Variants in IGLL5 observed in about 807,000 individuals in gnomAD.
IGLL5 encodes immunoglobulin lambda like polypeptide 5.
IGLL5 carries 30 observed loss-of-function variants against 20.9 expected under a neutral mutation model. The observed-to-expected ratio is 1.44, with a 90% confidence interval of 1.07 to 1.95. The LOEUF (loss-of-function observed/expected upper bound fraction) is 1.95, where lower values mean the gene tolerates loss of function less well. Among genes scored for constraint, IGLL5 ranks in the 30% most tolerant of loss-of-function variants. The pLI, the probability that IGLL5 is intolerant of heterozygous loss-of-function variation, is 0.00. For synonymous variants in IGLL5, 203 were observed against 117.3 expected (o/e 1.73, Z -4.72); for missense variants, 475 against 270.7 (o/e 1.75, Z -5.30).
Position 22,887,835 on chromosome 22 carries a change from T to C in IGLL5, c.-219T>C, listed in dbSNP as rs2067550787. 2 of 603,276 alleles carry C rather than the reference T, an allele frequency of 3.3e-6. No individual in the cohort carries two copies. Among genetic ancestry groups the C allele is most frequent in the Non-Finnish European group, 5.9e-6 (2 of 337,272 alleles). The allele number at this position is 603,276 out of a possible 1,614,324, so 37.4% of individuals were successfully genotyped here. ...TGGATTGTGACCGCTTCAGGGCAGT[T>C]GGTAGATGCCCCTCTGGGAGAGATC... On this transcript the variant is annotated 5_prime_UTR_variant, in exon 1 of 3. Transcript: ENST00000526893.
chr22:22,888,012 T>C lies in IGLL5; in HGVS notation c.-42T>C, dbSNP rs142000285. The C allele has an allele frequency of 3.0e-4, 444 of 1,493,654 alleles. 1 individual carries two copies. Among genetic ancestry groups the C allele is most frequent in the Middle Eastern group, 6.9e-4 (4 of 5,824 alleles). The allele number at this position is 1,493,654 out of a possible 1,614,324, so 92.5% of individuals were successfully genotyped here. A position where few individuals can be genotyped will look rare whatever the true frequency, so the allele number is the denominator to read the frequency against. The stretch of plus-strand genomic sequence containing the variant: ...AGGGCACCGTCCTCCAGGGAGCCCA[T>C]GCTGCAAGTCGGGCCAGAGGTGCCC... On this transcript the variant is annotated 5_prime_UTR_variant, in exon 1 of 3. It removes an upstream start codon present in the reference 5' UTR. Coordinates refer to ENST00000526893, the MANE Select transcript of IGLL5 (RefSeq NM_001178126.2).
chr22:22,889,255 A>G (rs910255873), intron 1 of IGLL5, among the ~76,000 whole-genome samples: 4 of 151,180 alleles, frequency 2.6e-5, no homozygotes, highest in East Asian at 2.0e-4. Context: ...CAGAGCACCC[A>G]GGGGCCCAGT....
In IGLL5 at chr22:22,888,266, G is replaced by A. The variant is rs1206123801; in HGVS notation, c.206+7G>A. 8 of 1,546,790 alleles carry A rather than the reference G, an allele frequency of 5.2e-6. No homozygotes were observed. The highest frequency in any genetic ancestry group is 1.4e-5 in the African/African-American group (1 of 72,700). On this transcript the variant is annotated splice_region_variant and intron_variant, in intron 1 of 2. Transcript: ENST00000526893. ...TGCGGAGCCTGTGGGGCAGGTAAGGGGCAAGAGATTCCAGGGGATGTGGGG... is the reference window on the plus strand; with the variant it reads ...TGCGGAGCCTGTGGGGCAGGTAAGGAGCAAGAGATTCCAGGGGATGTGGGG...
At position 22,889,648 on chromosome 22, in the gene IGLL5, C is replaced by T. The variant is rs183220837; in HGVS notation, c.206+1389C>T. Among the ~76,000 whole-genome samples, 147 of 151,380 alleles carry T rather than the reference C, an allele frequency of 9.7e-4. 3 individuals are homozygous for T. The highest frequency in any genetic ancestry group is 7.9e-4 in the Admixed American group (12 of 15,126). ...TGTTGCTCAGGCTGGAGTACAGTGGCGTGGCCACAGCTCACTGCAGCCTCA... is the reference window on the plus strand; with the variant it reads ...TGTTGCTCAGGCTGGAGTACAGTGGTGTGGCCACAGCTCACTGCAGCCTCA... On this transcript the variant is annotated intron_variant, in intron 1 of 2. Transcript: ENST00000526893.
chr22:22,890,415 A>T (rs543392933), intron 1 of IGLL5, among the ~76,000 whole-genome samples: 1 of 150,120 alleles, frequency 6.7e-6, no homozygotes, highest in South Asian at 2.2e-4. Flanking sequence ...TTAATCTATT[A>T]TTGACACTTT....
intron 1 of IGLL5, among the ~76,000 whole-genome samples, chr22:22,889,355 T>A (rs549929575): frequency 2.0e-5 from 3 of 151,080 alleles, no homozygotes; most frequent in East Asian, 2.0e-4. Context: ...ATTAAAAATG[T>A]ATAACCATTT....
At chr22:22,888,888 C>G (rs2067660514) in intron 1 of IGLL5, among the ~76,000 whole-genome samples, 1 of 151,274 alleles carries the variant, frequency 6.6e-6, no homozygotes, top group African/African-American at 2.4e-5. Flanking sequence ...GGATGATGCC[C>G]AGGCTGGTCT....
chr22:22,893,993 GC>G (rs2067963546), intron 2 of IGLL5, among the ~76,000 whole-genome samples, 175 bp downstream of exon 2: 1 of 150,634 alleles, frequency 6.6e-6, no homozygotes, highest in South Asian at 2.1e-4. Flanking sequence ...GGCAGGAAGG[GC>G]CTCCACAGTG....
At chr22:22,888,800 C>G (rs2067648643) in intron 1 of IGLL5, among the ~76,000 whole-genome samples, 3 of 151,266 alleles carry the variant, frequency 2.0e-5, no homozygotes, top group African/African-American at 2.4e-5. Context: ...TGGGATGAAC[C>G]GAGGGGAGCT....
intron 2 of IGLL5, among the ~76,000 whole-genome samples, chr22:22,894,199 GC>G (rs2067997690): frequency 2.0e-5 from 3 of 151,238 alleles, no homozygotes; most frequent in Admixed American, 6.6e-5. Context: ...GGGCCTGGGA[GC>G]TGCTGAGTCT....
chr22:22,893,608 C>A, intron 1 of IGLL5, 92 bp from the exon 2 acceptor site: 1 of 712,998 alleles, frequency 1.4e-6, no homozygotes. Flanking sequence ...CAGACAGGCA[C>A]AGGGACACCT....
At chr22:22,894,313 A>C (rs539006409) in intron 2 of IGLL5, among the ~76,000 whole-genome samples, 3 of 151,236 alleles carry the variant, frequency 2.0e-5, no homozygotes, top group Middle Eastern at 3.7e-3. Flanking sequence ...CACAGAGGTC[A>C]CCCCAAGGGG....
intron 1 of IGLL5, 139 bp downstream of exon 1, chr22:22,888,398 TG>T (rs2067591789): frequency 1.5e-6 from 1 of 668,858 alleles, no homozygotes; most frequent in African/African-American, 1.8e-5. Flanking sequence ...GCTTTAGTAA[TG>T]GGTTGATATT....
chr22:22,895,028 A>C (rs2066717900), intron 2 of IGLL5, among the ~76,000 whole-genome samples: 1 of 151,400 alleles, frequency 6.6e-6, no homozygotes, highest in African/African-American at 2.4e-5. Context: ...ATAGGGATGG[A>C]AATGAGGGAT....
chr22:22,894,182 C>G (rs536506741), intron 2 of IGLL5, among the ~76,000 whole-genome samples: 3 of 151,402 alleles, frequency 2.0e-5, no homozygotes, highest in South Asian at 2.1e-4. Flanking sequence ...ACAGAGGCTG[C>G]TGGGGTGGGC....
intron 2 of IGLL5, 59 bp from the exon 3 acceptor site, chr22:22,895,316 G>A (rs772503251): frequency 2.7e-6 from 4 of 1,480,890 alleles, no homozygotes; most frequent in African/African-American, 1.4e-5. Flanking sequence ...AGAGAGAGGG[G>A]CTCCACAACA....
At chr22:22,888,814 C>A (rs1462158069) in intron 1 of IGLL5, among the ~76,000 whole-genome samples, 2 of 151,374 alleles carry the variant, frequency 1.3e-5, no homozygotes, top group African/African-American at 4.8e-5. Flanking sequence ...GGGAGCTGTC[C>A]AGTCATTGGA....
intron 1 of IGLL5, among the ~76,000 whole-genome samples, chr22:22,889,985 A>G (rs1178473126): frequency 6.6e-6 from 1 of 151,016 alleles, no homozygotes; most frequent in Middle Eastern, 3.7e-3. Flanking sequence ...GGCTGATGGG[A>G]TTTCACCTAA....
At chr22:22,889,207 G>C (rs2067696872) in intron 1 of IGLL5, among the ~76,000 whole-genome samples, 2 of 151,182 alleles carry the variant, frequency 1.3e-5, no homozygotes, top group Admixed American at 6.6e-5. Context: ...GGATCCTGGA[G>C]GAAGCCGTGC....
Sources: allele counts gnomAD v4.1 joint callset (sites outside exome capture counted in the v4.1 genomes callset), GRCh38; gene constraint gnomAD v4.1.1; transcripts MANE v1.5; gene names NCBI Gene and HGNC (gene_info 2026-07-23, HGNC 2026-07-21).